Variants in CENPU observed in about 807,000 individuals in gnomAD.
CENPU encodes KSHV latent nuclear antigen interacting protein 1.
Under a neutral mutation model 56.7 loss-of-function variants are expected in CENPU, and 46 were observed. The observed-to-expected ratio is 0.81, with a 90% CI of 0.64 to 1.04. The LOEUF (loss-of-function observed/expected upper bound fraction) is 1.04. Among genes scored for constraint, CENPU ranks in the 50% least tolerant of loss-of-function variants. The pLI, the probability that CENPU is intolerant of heterozygous loss-of-function variation, is 0.00. For missense variants in CENPU, 510 were observed against 490.1 expected (o/e 1.04, Z -0.38); for synonymous variants, 166 against 163.0 (o/e 1.02, Z -0.14).
chr4:184,697,576 G>T, intron 12 of CENPU, 71 bp downstream of exon 12: 1 of 1,421,970 alleles, frequency 7.0e-7, no homozygotes, highest in Non-Finnish European at 9.8e-7. Context: ...CAAAGCTTCT[G>T]ATACTCTAGC....
intron 6 of CENPU, among the ~76,000 whole-genome samples, chr4:184,714,680 T>G (rs12502771): frequency 6.6e-6 from 1 of 151,700 alleles, no homozygotes; most frequent in Admixed American, 6.6e-5. Flanking sequence ...AAGAAGCCAA[T>G]AGAGAAAATA....
At chr4:184,730,825 A>G in intron 2 of CENPU, 95 bp downstream of exon 2, 1 of 827,746 alleles carries the variant, frequency 1.2e-6, no homozygotes, top group East Asian at 2.9e-5. Flanking sequence ...TAAACATTGA[A>G]CTTGCCAAGT....
chr4:184,695,997 C>A (rs1476780235), intron 12 of CENPU, among the ~76,000 whole-genome samples: 1 of 152,116 alleles, frequency 6.6e-6, no homozygotes, highest in Non-Finnish European at 1.5e-5. Context: ...AATACAATAT[C>A]CAACTCATGA....
chr4:184,720,071 A>C (rs1761223783), intron 4 of CENPU, among the ~76,000 whole-genome samples: 1 of 152,244 alleles, frequency 6.6e-6, no homozygotes, highest in African/African-American at 2.4e-5. Flanking sequence ...AACAGGAGAT[A>C]CATGACCTTC....
At chr4:184,717,290 A>G in intron 4 of CENPU, 94 bp from the exon 5 acceptor site, 1 of 890,644 alleles carries the variant, frequency 1.1e-6, no homozygotes, top group South Asian at 1.5e-5. Context: ...AAACAGACTC[A>G]ATTTAATGAG....
chr4:184,731,868 C>T lies in CENPU; in HGVS notation c.48-900G>A, dbSNP rs371789625. ...ATAGCACAAGGACCTTCTGTATGCC[C>T]TTTACTCATGTGCTCTGTGTGTGTG... On this transcript the variant is annotated intron_variant, in intron 1 of 12. Coordinates refer to ENST00000281453, the MANE Select transcript of CENPU (RefSeq NM_024629.4). Among the ~76,000 whole-genome samples, 8 of 72,570 alleles carry T rather than the reference C, an allele frequency of 1.1e-4. No individual in the cohort carries two copies. The South Asian group carries it at 3.7e-3, about 33-fold the overall frequency. The allele number at this position is 72,570 out of a possible 152,430, so 47.6% of individuals were successfully genotyped here. A position where few individuals can be genotyped will look rare whatever the true frequency, so the allele number is the denominator to read the frequency against.
chr4:184,726,241 C>T (rs28375770), intron 3 of CENPU, among the ~76,000 whole-genome samples: 27,069 of 152,030 alleles, frequency 0.18, 2,701 homozygotes, highest in African/African-American at 0.26. Flanking sequence ...TAACCACTCA[C>T]ATAAACTGGA....
rs34873798 is a variant in CENPU, at chr4:184,717,136, C to CT, written c.380dup (p.Pro128AlafsTer9). 1.2e-6 allele frequency: 2 copies of CT among 1,606,692 alleles called. No individual in the cohort carries two copies. Among genetic ancestry groups the CT allele is most frequent in the South Asian group, 1.1e-5 (1 of 90,792 alleles). ...TAGAAGAGTGAATACTCCTACATAC[C>CT]TTTTTTGCACTAATTTTTACAGATT... On this transcript the variant is annotated frameshift_variant and splice_region_variant, in exon 5 of 13. Transcript: ENST00000281453. LOFTEE classifies it high-confidence loss of function.
chr4:184,715,698 A>C (rs954144545), intron 6 of CENPU, among the ~76,000 whole-genome samples: 2 of 152,220 alleles, frequency 1.3e-5, no homozygotes, highest in Non-Finnish European at 2.9e-5. Flanking sequence ...AAATTCATCA[A>C]AGCACTTATA....
chr4:184,712,647 G>A (rs538815633), intron 7 of CENPU, among the ~76,000 whole-genome samples: 183 of 152,252 alleles, frequency 1.2e-3, no homozygotes, highest in African/African-American at 4.1e-3. Context: ...TGGATTAATG[G>A]ATTAATACTT....
At position 184,724,994 on chromosome 4, in the gene CENPU, G is replaced by T; in HGVS notation, c.283C>A (p.Leu95Ile). The change falls in exon 4 of 13, where the codon CTC (leucine) becomes ATC (isoleucine). Residue 95 changes from leucine (L) to isoleucine (I), a missense_variant. Transcript: ENST00000281453. ...EEFSKHCGLS[L>I]SSTPPGKEAK... ...TCTTTTCCTGGAGGAGTTGAAGAGA[G>T]AGACAGTCCACAATGTTTGGAGAAT... The T allele has an allele frequency of 6.2e-7, 1 of 1,613,132 alleles. No individual in the cohort carries two copies. Among genetic ancestry groups the T allele is most frequent in the Non-Finnish European group, 8.5e-7 (1 of 1,179,466 alleles).
At chr4:184,730,018 G>A (rs1444001348) in intron 2 of CENPU, among the ~76,000 whole-genome samples, 1 of 152,166 alleles carries the variant, frequency 6.6e-6, no homozygotes, top group African/African-American at 2.4e-5. Context: ...GAGTGCTTGG[G>A]GGTGGAATGT....
chr4:184,721,419 C>T (rs1157617601), intron 4 of CENPU, among the ~76,000 whole-genome samples: 1 of 114,892 alleles, frequency 8.7e-6, no homozygotes, highest in Non-Finnish European at 1.7e-5. Context: ...TGTAAATGGA[C>T]TAACTTCTCC....
intron 2 of CENPU, among the ~76,000 whole-genome samples, chr4:184,729,653 C>T (rs984537281): frequency 4.6e-5 from 7 of 152,198 alleles, no homozygotes; most frequent in Admixed American, 2.0e-4. Context: ...TTTGCCTAAA[C>T]CTCTGACCTA....
rs1378203846 is a variant in CENPU at position 184,716,645 on chromosome 4, A to G, written c.382-12T>C. Reference sequence around the variant, plus strand: ...AGCTTTCTTCCTGGCTGTGTGAAAGAAAAAACAGCAGTACTTATGTAGAAA... The same window carrying G: ...AGCTTTCTTCCTGGCTGTGTGAAAGGAAAAACAGCAGTACTTATGTAGAAA... On this transcript the variant is annotated splice_polypyrimidine_tract_variant and intron_variant, in intron 5 of 12. Transcript: ENST00000281453. The G allele has an allele frequency of 1.4e-5, 22 of 1,579,728 alleles. No individual in the cohort carries two copies. The highest frequency in any genetic ancestry group is 1.8e-5 in the Non-Finnish European group (21 of 1,150,290).
intron 7 of CENPU, among the ~76,000 whole-genome samples, chr4:184,711,261 G>C (rs1011876516): frequency 1.3e-5 from 2 of 152,010 alleles, no homozygotes; most frequent in African/African-American, 4.8e-5. Flanking sequence ...AGGGGGGTGG[G>C]TGGATTCACT....
rs1760975902 is a variant in CENPU at position 184,713,032 on chromosome 4, T to G, written c.619-19A>C. On this transcript the variant is annotated intron_variant, in intron 6 of 12. Transcript: ENST00000281453. ...GAGTTTTCTACAAAAAAAAAAAGCATTAAGTTTTTAAGAAAAGTTTTCTTT... is the reference window on the plus strand; with the variant it reads ...GAGTTTTCTACAAAAAAAAAAAGCAGTAAGTTTTTAAGAAAAGTTTTCTTT... The G allele has an allele frequency of 7.0e-7, 1 of 1,423,634 alleles. No individual in the cohort carries two copies. Among genetic ancestry groups the G allele is most frequent in the Admixed American group, 2.0e-5 (1 of 49,606 alleles). The allele number at this position is 1,423,634 out of a possible 1,614,324, so 88.2% of individuals were successfully genotyped here. A position where few individuals can be genotyped will look rare whatever the true frequency, so the allele number is the denominator to read the frequency against.
chr4:184,721,245 A>C (rs2150223566), intron 4 of CENPU, among the ~76,000 whole-genome samples: 1 of 152,198 alleles, frequency 6.6e-6, no homozygotes, highest in Admixed American at 6.5e-5. Context: ...TCAAATAATA[A>C]ATACAACAAA....
At position 184,694,315 on chromosome 4, in the gene CENPU, C is replaced by G; in HGVS notation, c.*973G>C. On this transcript the variant is annotated 3_prime_UTR_variant, in exon 13 of 13. Transcript: ENST00000281453. Reference sequence around the variant, plus strand: ...GTAGGTAATTTCAAATTTGGAGTTTCAAGTGTGTCTGAGCTTCAGTGCAGC... The same window carrying G: ...GTAGGTAATTTCAAATTTGGAGTTTGAAGTGTGTCTGAGCTTCAGTGCAGC... 7.5e-7 allele frequency: 1 copy of G among 1,330,920 alleles called. No homozygotes were observed. The highest frequency in any genetic ancestry group is 2.2e-5 in the South Asian group (1 of 45,428). 82.4% of individuals were successfully genotyped at this position (1,330,920 alleles called of 1,614,324 possible). A position where few individuals can be genotyped will look rare whatever the true frequency, so the allele number is the denominator to read the frequency against.
Sources: gnomAD v4.1 joint callset for allele counts (sites outside exome capture counted in the v4.1 genomes callset) on GRCh38, gnomAD v4.1.1 for gene constraint, MANE v1.5 for transcripts, NCBI Gene and HGNC (gene_info 2026-07-23, HGNC 2026-07-21) for gene names.